Variants in NXPE4 observed in about 807,000 individuals in gnomAD.
NXPE4 encodes NXPE family member 4.
In NXPE4, 42 loss-of-function variants were observed where a neutral mutation model predicts 33.3. That is an observed-to-expected ratio of 1.26 (90% confidence interval 0.98 to 1.63). NXPE4 has a LOEUF of 1.63. NXPE4 is among the 40% of genes most tolerant of loss of function. NXPE4 has a pLI of 0.00. For missense variants in NXPE4, 709 were observed against 647.6 expected (o/e 1.09, Z -1.03); for synonymous variants, 253 against 234.9 (o/e 1.08, Z -0.71).
the NXPE4 span, among the ~76,000 whole-genome samples, chr11:114,602,340 T>G: frequency 1.4e-4 from 18 of 125,454 alleles, no homozygotes; most frequent in East Asian, 4.1e-3. Flanking sequence ...ATATGTTATC[T>G]ATAACATATA....
At chr11:114,635,138 C>A in the NXPE4 span, among the ~76,000 whole-genome samples, 3 of 150,604 alleles carry the variant, frequency 2.0e-5, no homozygotes, top group Admixed American at 6.7e-5. Flanking sequence ...CTTTTATTTC[C>A]TTGAGCAGTG....
the NXPE4 span, among the ~76,000 whole-genome samples, chr11:114,645,122 T>C: frequency 9.2e-5 from 14 of 151,896 alleles, no homozygotes; most frequent in African/African-American, 3.4e-4. Flanking sequence ...GCCAACATGG[T>C]GAAACCCCAT....
chr11:114,600,084 G>A (rs1445633093), upstream of NXPE4, among the ~76,000 whole-genome samples: 1 of 152,168 alleles, frequency 6.6e-6, no homozygotes, highest in African/African-American at 2.4e-5. Context: ...AATAATTGCT[G>A]TACTCAATAT....
At chr11:114,611,088 A>T in the NXPE4 span, among the ~76,000 whole-genome samples, 1 of 151,528 alleles carries the variant, frequency 6.6e-6, no homozygotes, top group African/African-American at 2.4e-5. Context: ...GTGGATAATA[A>T]GTGTTGCCTC....
chr11:114,599,752 A>T (rs891919214), upstream of NXPE4, among the ~76,000 whole-genome samples: 1 of 152,084 alleles, frequency 6.6e-6, no homozygotes, highest in African/African-American at 2.4e-5. Flanking sequence ...GTGAGAACTC[A>T]CTCACTATAC....
Sources: allele counts gnomAD v4.1 joint callset (sites outside exome capture counted in the v4.1 genomes callset), GRCh38; gene constraint gnomAD v4.1.1; transcripts MANE v1.5; gene names NCBI Gene and HGNC (gene_info 2026-07-23, HGNC 2026-07-21).